Variants in SLC16A10 observed in about 807,000 individuals in gnomAD.
SLC16A10 encodes monocarboxylate transporter 10.
SLC16A10 carries 27 observed loss-of-function variants against 40.0 expected under a neutral mutation model. That is an observed-to-expected ratio of 0.67 (90% CI 0.50 to 0.93). The LOEUF is 0.93. Among genes scored for constraint, SLC16A10 ranks in the 40% least tolerant of loss-of-function variants. The pLI is 0.00. For synonymous variants in SLC16A10, 213 were observed against 249.8 expected (o/e 0.85, Z 1.39); for missense variants, 529 against 658.2 (o/e 0.80, Z 2.15).
chr6:111,160,718 G>A (rs1772354843), intron 1 of SLC16A10, among the ~76,000 whole-genome samples: 1 of 152,196 alleles, frequency 6.6e-6, no homozygotes. Context: ...CTGAGTTATG[G>A]AACAACTCTC....
intron 1 of SLC16A10, among the ~76,000 whole-genome samples, chr6:111,100,951 T>TG: frequency 2.3e-5 from 1 of 44,076 alleles, no homozygotes; most frequent in South Asian, 6.6e-4. Context: ...TCTCTCGCTC[T>TG]TTCTCTCCCT....
Position 111,087,669 on chromosome 6 carries a change from A to G in SLC16A10, c.-84A>G. 2 of 803,840 alleles carry G rather than the reference A, an allele frequency of 2.5e-6. No individual in the cohort carries two copies. The highest frequency in any genetic ancestry group is 3.3e-6 in the Non-Finnish European group (2 of 610,978). 49.8% of individuals were successfully genotyped at this position (803,840 alleles called of 1,614,324 possible). A position where few individuals can be genotyped will look rare whatever the true frequency, so the allele number is the denominator to read the frequency against. On this transcript the variant is annotated 5_prime_UTR_variant, in exon 1 of 6. Transcript: ENST00000368851. ...CTCGCCTCGGCCTCGTTAGCCCGCC[A>G]GGAGCCCCGCAGCTCCTCCGGGAGC...
At position 111,177,615 on chromosome 6, in the gene SLC16A10, G is replaced by A; in HGVS notation, c.892G>A (p.Val298Ile). 4 of 1,594,568 alleles carry A rather than the reference G, an allele frequency of 2.5e-6. No homozygotes were observed. The highest frequency in any genetic ancestry group is 3.4e-6 in the Non-Finnish European group (4 of 1,170,482). ...FKVTAYAVWA[V>I]GIPLALFGYF... ...GGTGACAGCTTATGCAGTGTGGGCA[G>A]TTGGAATACCACTTGCACTTTTTGG... Residue 298 changes from valine to isoleucine, a missense_variant, in exon 3 of 6, where the codon GTT becomes ATT. Physicochemically the swap from Val to Ile is conservative, Grantham distance 29. Coordinates refer to ENST00000368851, the MANE Select transcript of SLC16A10 (RefSeq NM_018593.5).
chr6:111,111,705 A>G (rs979796489), intron 1 of SLC16A10, among the ~76,000 whole-genome samples: 3 of 152,056 alleles, frequency 2.0e-5, no homozygotes, highest in African/African-American at 7.2e-5. Context: ...TGTACTTTCT[A>G]TTTCTATGAG....
chr6:111,186,278 T>G (rs949971184), intron 3 of SLC16A10, among the ~76,000 whole-genome samples: 1 of 152,234 alleles, frequency 6.6e-6, no homozygotes, highest in Admixed American at 6.5e-5. Context: ...TTGAATCATC[T>G]CAAATTTCAT....
chr6:111,099,905 C>G (rs1465854989), intron 1 of SLC16A10, among the ~76,000 whole-genome samples: 2 of 151,674 alleles, frequency 1.3e-5, no homozygotes, highest in African/African-American at 4.8e-5. Flanking sequence ...CACCTGTAGT[C>G]CCAGCTACTC....
intron 3 of SLC16A10, among the ~76,000 whole-genome samples, chr6:111,202,255 T>G (rs1184282845): frequency 6.6e-6 from 1 of 152,014 alleles, no homozygotes; most frequent in Non-Finnish European, 1.5e-5. Context: ...GGTGGAGGAT[T>G]GCTTAAGCCC....
chr6:111,131,591 G>C (rs1031989526), intron 1 of SLC16A10, among the ~76,000 whole-genome samples: 5 of 152,200 alleles, frequency 3.3e-5, no homozygotes, highest in African/African-American at 9.6e-5. Context: ...GCACCTGTCA[G>C]CTGGTTAAAA....
chr6:111,101,089 GGT>G (rs1317265575), intron 1 of SLC16A10, among the ~76,000 whole-genome samples: 1 of 149,930 alleles, frequency 6.7e-6, no homozygotes, highest in Non-Finnish European at 1.5e-5. Context: ...GGAGTGCAGT[GGT>G]GGGATCATGG....
chr6:111,159,504 T>C (rs1054985536), intron 1 of SLC16A10, among the ~76,000 whole-genome samples: 2 of 152,260 alleles, frequency 1.3e-5, no homozygotes, highest in African/African-American at 2.4e-5. Flanking sequence ...TACATAGATA[T>C]ACCATAATTT....
At chr6:111,158,179 A>G (rs942243209) in intron 1 of SLC16A10, among the ~76,000 whole-genome samples, 2 of 152,178 alleles carry the variant, frequency 1.3e-5, no homozygotes, top group Non-Finnish European at 2.9e-5. Flanking sequence ...TGTCATTTTT[A>G]AAGTGAACTT....
In SLC16A10 at chr6:111,190,912, C is replaced by T. The variant is rs140411082; in HGVS notation, c.942+13247C>T. 7.9e-5 allele frequency among the ~76,000 whole-genome samples: 12 copies of T among 152,338 alleles called. No homozygotes were observed. The East Asian group carries it at 2.3e-3, about 29-fold the overall frequency. On this transcript the variant is annotated intron_variant, in intron 3 of 5. Coordinates refer to ENST00000368851, the MANE Select transcript of SLC16A10 (RefSeq NM_018593.5). ...TGACATGCCTTGGGGACGTTTTCAC[C>T]ATTGTCTTGGCAATTAACATTGAGC...
intron 2 of SLC16A10, among the ~76,000 whole-genome samples, chr6:111,174,197 A>C (rs1583344119): frequency 6.6e-6 from 1 of 152,178 alleles, no homozygotes; most frequent in South Asian, 2.1e-4. Context: ...TCTCTACTTT[A>C]GTGGTTTATC....
Position 111,206,583 on chromosome 6 carries a change from G to T in SLC16A10, c.943-9G>T. The T allele has an allele frequency of 6.2e-7, 1 of 1,613,340 alleles. No homozygotes were observed. The highest frequency in any genetic ancestry group is 8.5e-7 in the Non-Finnish European group (1 of 1,179,710). On this transcript the variant is annotated splice_polypyrimidine_tract_variant and intron_variant, in intron 3 of 5. Coordinates refer to ENST00000368851, the MANE Select transcript of SLC16A10 (RefSeq NM_018593.5). ...TATTCAGTGTGGTTTCTTTCTCTTT[G>T]GCCTATAGATGAAACATGTAAATGA...
chr6:111,123,245 T>C, intron 1 of SLC16A10, among the ~76,000 whole-genome samples: 1 of 152,190 alleles, frequency 6.6e-6, no homozygotes, highest in East Asian at 1.9e-4. Context: ...CCCTTCCCTG[T>C]CAAATATAAT....
intron 1 of SLC16A10, among the ~76,000 whole-genome samples, chr6:111,129,719 A>G (rs1771747033): frequency 6.6e-6 from 1 of 152,198 alleles, no homozygotes; most frequent in Non-Finnish European, 1.5e-5. Context: ...ACAGCTCCCC[A>G]TATCCAAATT....
chr6:111,115,666 T>C (rs1298101786), intron 1 of SLC16A10, among the ~76,000 whole-genome samples: 1 of 152,216 alleles, frequency 6.6e-6, no homozygotes, highest in Non-Finnish European at 1.5e-5. Context: ...AGGCATGTGG[T>C]ATCTAGAAAG....
chr6:111,182,277 G>A (rs1045280693), intron 3 of SLC16A10, among the ~76,000 whole-genome samples: 9 of 150,630 alleles, frequency 6.0e-5, no homozygotes, highest in Admixed American at 1.3e-4. Context: ...CTGGGATTAC[G>A]GGTGTGAGCC....
chr6:111,097,830 A>G (rs1238856005), intron 1 of SLC16A10, among the ~76,000 whole-genome samples: 1 of 152,190 alleles, frequency 6.6e-6, no homozygotes, highest in Non-Finnish European at 1.5e-5. Flanking sequence ...TTTAAATTCA[A>G]TTAAAGGTAT....
Sources: allele counts gnomAD v4.1 joint callset (sites outside exome capture counted in the v4.1 genomes callset), GRCh38; gene constraint gnomAD v4.1.1; transcripts MANE v1.5; gene names NCBI Gene and HGNC (gene_info 2026-07-23, HGNC 2026-07-21).